TAFA1: variants seen among roughly 807,000 people sequenced by gnomAD.
TAFA1 encodes TAFA chemokine like family member 1, also known as chemokine-like protein TAFA-1.
TAFA1 carries 4 observed loss-of-function variants against 18.5 expected under a neutral mutation model. That is an observed-to-expected ratio of 0.22 (90% CI 0.11 to 0.49). The LOEUF (loss-of-function observed/expected upper bound fraction) is 0.49, where lower values mean the gene tolerates loss of function less well. Ranked by LOEUF, TAFA1 falls within the 20% of genes least tolerant of loss-of-function variation. TAFA1 has a pLI of 0.98. For synonymous variants in TAFA1, 56 were observed against 55.2 expected (o/e 1.01, Z -0.06); for missense variants, 147 against 169.0 (o/e 0.87, Z 0.72).
intron 3 of TAFA1, among the ~76,000 whole-genome samples, chr3:68,419,276 G>T (rs2070910396): frequency 6.6e-6 from 1 of 152,156 alleles, no homozygotes; most frequent in South Asian, 2.1e-4. Flanking sequence ...AGCAGTCAGG[G>T]ATCATTGTGG....
chr3:68,439,622 T>C (rs1480624712), intron 3 of TAFA1, among the ~76,000 whole-genome samples: 2 of 151,548 alleles, frequency 1.3e-5, no homozygotes, highest in African/African-American at 4.9e-5. Flanking sequence ...TAAACCAGTC[T>C]AGTCTTCTCA....
chr3:68,438,799 T>G (rs918418781), intron 3 of TAFA1, among the ~76,000 whole-genome samples: 2 of 152,116 alleles, frequency 1.3e-5, no homozygotes, highest in Admixed American at 6.5e-5. Flanking sequence ...ACACCAAAGT[T>G]TATGGCTTGC....
At chr3:68,088,513 C>T (rs577983551) in intron 2 of TAFA1, among the ~76,000 whole-genome samples, 1 of 152,294 alleles carries the variant, frequency 6.6e-6, no homozygotes, top group East Asian at 1.9e-4. Context: ...GCTTCAGTTT[C>T]CTGCTCTGAA....
chr3:68,437,563 C>T (rs777843458), intron 3 of TAFA1, among the ~76,000 whole-genome samples: 46 of 152,024 alleles, frequency 3.0e-4, no homozygotes, highest in Admixed American at 1.6e-3. Context: ...GGCAAGGGGA[C>T]GGAATATGCC....
At chr3:68,024,920 A>G (rs1704782548) in intron 2 of TAFA1, among the ~76,000 whole-genome samples, 1 of 151,992 alleles carries the variant, frequency 6.6e-6, no homozygotes, top group Admixed American at 6.6e-5. Context: ...CTGTGCTTTC[A>G]CTGGACACTT....
At chr3:68,145,354 C>A (rs61737054) in intron 2 of TAFA1, 11 of 812,368 alleles carry the variant, frequency 1.4e-5, no homozygotes, top group African/African-American at 1.0e-4. Context: ...GGAGACGCAC[C>A]TTTGCCCTGG....
intron 2 of TAFA1, among the ~76,000 whole-genome samples, chr3:68,097,620 C>G (rs1362092816): frequency 6.6e-6 from 1 of 152,046 alleles, no homozygotes; most frequent in Non-Finnish European, 1.5e-5. Context: ...AAACATGTCC[C>G]CTGCCTGTAT....
chr3:68,001,196 G>A (rs1259984717), upstream of TAFA1, among the ~76,000 whole-genome samples: 2 of 152,134 alleles, frequency 1.3e-5, no homozygotes, highest in Admixed American at 6.5e-5. Flanking sequence ...GGAGAATAAA[G>A]AATAAAGAAA....
At chr3:68,145,127 G>A (rs1482858136) in intron 2 of TAFA1, 2 of 948,886 alleles carry the variant, frequency 2.1e-6, no homozygotes, top group African/African-American at 3.2e-5. Context: ...TCAGCGTCTA[G>A]CTTTATGTTT....
chr3:68,490,443 TATA>T (rs1214385663), intron 3 of TAFA1, among the ~76,000 whole-genome samples: 2 of 152,216 alleles, frequency 1.3e-5, no homozygotes, highest in East Asian at 1.9e-4. Context: ...GTTATAATCC[TATA>T]ATATTATCAT....
chr3:68,386,773 G>T (rs1282235802), intron 2 of TAFA1, among the ~76,000 whole-genome samples: 1 of 152,150 alleles, frequency 6.6e-6, no homozygotes, highest in East Asian at 1.9e-4. Context: ...ATAGAAACGT[G>T]TGTAGCTGCA....
At chr3:68,268,318 T>G (rs1294318715) in intron 2 of TAFA1, among the ~76,000 whole-genome samples, 1 of 151,962 alleles carries the variant, frequency 6.6e-6, no homozygotes, top group African/African-American at 2.4e-5. Flanking sequence ...AAGACATATT[T>G]TAAGATATTG....
intron 3 of TAFA1, among the ~76,000 whole-genome samples, chr3:68,420,809 T>C (rs1433614789): frequency 2.0e-5 from 3 of 152,138 alleles, no homozygotes; most frequent in Non-Finnish European, 4.4e-5. Flanking sequence ...AAACTAGCAC[T>C]ATGATTATTT....
intron 2 of TAFA1, among the ~76,000 whole-genome samples, chr3:68,065,736 GTGTGTATATATA>G (rs752424982): frequency 2.2e-5 from 3 of 135,548 alleles, no homozygotes; most frequent in African/African-American, 5.6e-5. Context: ...GTATGTGTGT[GTGTGTATATATA>G]TATATATATA....
intron 2 of TAFA1, among the ~76,000 whole-genome samples, chr3:68,281,040 AT>A (rs1321003804): frequency 1.3e-5 from 2 of 152,188 alleles, no homozygotes; most frequent in Non-Finnish European, 2.9e-5. Flanking sequence ...TATGCAACTT[AT>A]TTCTTATTCC....
At chr3:67,994,549 G>C in the TAFA1 span, among the ~76,000 whole-genome samples, 1 of 152,136 alleles carries the variant, frequency 6.6e-6, no homozygotes, top group African/African-American at 2.4e-5. Context: ...TCATCACAGG[G>C]AAAGCCTAGT....
At chr3:68,085,771 C>G (rs1203826592) in intron 2 of TAFA1, among the ~76,000 whole-genome samples, 1 of 152,068 alleles carries the variant, frequency 6.6e-6, no homozygotes, top group Non-Finnish European at 1.5e-5. Flanking sequence ...AAAGGATATT[C>G]TTTAGCTGAG....
chr3:68,470,746 G>T (rs1278051914), intron 3 of TAFA1, among the ~76,000 whole-genome samples: 1 of 152,138 alleles, frequency 6.6e-6, no homozygotes, highest in East Asian at 1.9e-4. Flanking sequence ...GTTTTAAAAG[G>T]GAAACAGAGC....
At chr3:68,177,016 A>G (rs2066135304) in intron 2 of TAFA1, among the ~76,000 whole-genome samples, 1 of 152,166 alleles carries the variant, frequency 6.6e-6, no homozygotes, top group Non-Finnish European at 1.5e-5. Flanking sequence ...GAGAACTGGT[A>G]TTTTCACCGA....
Sources: gnomAD v4.1 joint callset for allele counts (sites outside exome capture counted in the v4.1 genomes callset) on GRCh38, gnomAD v4.1.1 for gene constraint, MANE v1.5 for transcripts, NCBI Gene and HGNC (gene_info 2026-07-23, HGNC 2026-07-21) for gene names.